Variants in ZFYVE9 observed in about 807,000 individuals in gnomAD.
ZFYVE9 encodes the protein zinc finger FYVE domain-containing protein 9.
A neutral mutation model predicts 126.7 loss-of-function variants in ZFYVE9; 43 were observed. That is an observed-to-expected ratio of 0.34 (90% CI 0.27 to 0.44). The LOEUF (loss-of-function observed/expected upper bound fraction) is 0.44. Among genes scored for constraint, ZFYVE9 ranks in the 20% least tolerant of loss-of-function variants. The pLI, the probability that ZFYVE9 is intolerant of heterozygous loss-of-function variation, is 1.00. For missense variants in ZFYVE9, 1,476 were observed against 1,697.0 expected (o/e 0.87, Z 2.29); for synonymous variants, 521 against 597.4 (o/e 0.87, Z 1.87).
intron 1 of ZFYVE9, among the ~76,000 whole-genome samples, chr1:52,147,231 TAATA>T (rs1360858368): frequency 6.6e-6 from 1 of 152,218 alleles, no homozygotes; most frequent in Admixed American, 6.5e-5. Flanking sequence ...ACAAATTAAT[TAATA>T]CTTATATTTT....
intron 15 of ZFYVE9, among the ~76,000 whole-genome samples, chr1:52,335,821 C>T (rs1646383031): frequency 6.6e-6 from 1 of 152,132 alleles, no homozygotes; most frequent in South Asian, 2.1e-4. Flanking sequence ...TAGCTCACTC[C>T]AAAGCTCTGT....
At chr1:52,331,439 T>G (rs536628837) in intron 13 of ZFYVE9, among the ~76,000 whole-genome samples, 131 of 145,110 alleles carry the variant, frequency 9.0e-4, no homozygotes, top group African/African-American at 2.9e-3. Context: ...CATAGTGAGA[T>G]CCCTGTCTCT....
intron 1 of ZFYVE9, among the ~76,000 whole-genome samples, chr1:52,168,193 C>T (rs1644530228): frequency 6.6e-6 from 1 of 150,772 alleles, no homozygotes; most frequent in South Asian, 2.1e-4. Flanking sequence ...GATTCCTCCT[C>T]CTCTTCCTCC....
intron 4 of ZFYVE9, among the ~76,000 whole-genome samples, chr1:52,254,378 T>TAA (rs35072882): frequency 1.0e-3 from 125 of 120,678 alleles, no homozygotes; most frequent in African/African-American, 2.8e-3. Context: ...TTTACATTAC[T>TAA]AAAAAAAAAA....
At chr1:52,225,008 A>G (rs151087394) in intron 2 of ZFYVE9, among the ~76,000 whole-genome samples, 6 of 152,224 alleles carry the variant, frequency 3.9e-5, no homozygotes, top group East Asian at 3.9e-4. Context: ...AAACTGCCCT[A>G]AGACCTACAA....
intron 2 of ZFYVE9, among the ~76,000 whole-genome samples, chr1:52,223,528 A>G (rs957308850): frequency 4.0e-5 from 6 of 151,686 alleles, no homozygotes; most frequent in African/African-American, 1.5e-4. Flanking sequence ...TATCTTTTGT[A>G]TTTTTTTTGT....
chr1:52,170,856 T>G (rs1644561078), intron 1 of ZFYVE9, among the ~76,000 whole-genome samples: 1 of 152,184 alleles, frequency 6.6e-6, no homozygotes. Context: ...GTTTTAAGGC[T>G]TGTTTTGTGA....
chr1:52,213,003 TATCC>T (rs1473083879), intron 1 of ZFYVE9, among the ~76,000 whole-genome samples: 1 of 152,258 alleles, frequency 6.6e-6, no homozygotes, highest in East Asian at 1.9e-4. Flanking sequence ...GTTGTATACC[TATCC>T]ATCTATCCAT....
chr1:52,206,159 A>T (rs141554306), intron 1 of ZFYVE9, among the ~76,000 whole-genome samples: 1 of 152,234 alleles, frequency 6.6e-6, no homozygotes, highest in African/African-American at 2.4e-5. Flanking sequence ...AAAGGCAGCT[A>T]TTGTAGCTGT....
intron 1 of ZFYVE9, among the ~76,000 whole-genome samples, chr1:52,205,690 A>G (rs1374612731): frequency 6.6e-6 from 1 of 152,116 alleles, no homozygotes; most frequent in Non-Finnish European, 1.5e-5. Flanking sequence ...TCTTTTATGC[A>G]TCTAAGAAGA....
At chr1:52,190,461 A>G (rs1456223479) in intron 1 of ZFYVE9, among the ~76,000 whole-genome samples, 1 of 152,192 alleles carries the variant, frequency 6.6e-6, no homozygotes, top group Non-Finnish European at 1.5e-5. Flanking sequence ...CACAATATGG[A>G]TTAGATTCTC....
chr1:52,169,608 G>A (rs114605435), intron 1 of ZFYVE9, among the ~76,000 whole-genome samples: 92 of 152,140 alleles, frequency 6.0e-4, no homozygotes, highest in African/African-American at 2.1e-3. Flanking sequence ...TCAACAACCT[G>A]GTTAGATAAA....
At chr1:52,159,469 G>A (rs546115783) in intron 1 of ZFYVE9, among the ~76,000 whole-genome samples, 8 of 152,322 alleles carry the variant, frequency 5.3e-5, no homozygotes, top group Non-Finnish European at 8.8e-5. Flanking sequence ...CTCAGAGTGC[G>A]ATGCAGGTCT....
rs548234435 is a variant in ZFYVE9, at chr1:52,230,778, CTT to C, written c.-36-2392_-36-2391del. 6.3e-3 allele frequency among the ~76,000 whole-genome samples: 966 copies of C among 152,250 alleles called. 9 individuals are homozygous for C. Among genetic ancestry groups the C allele is most frequent in the African/African-American group, 0.021 (891 of 41,530 alleles). ...GAAGAATGATGAACTTAAATAACCT[CTT>C]GAACTTCTGTACTAGTTATTCTGTA... is the stretch of plus-strand genomic sequence containing the variant. On this transcript the variant is annotated intron_variant, in intron 2 of 18. Transcript: ENST00000287727.
At chr1:52,180,557 C>T in intron 1 of ZFYVE9, 4 of 653,430 alleles carry the variant, frequency 6.1e-6, no homozygotes, top group Non-Finnish European at 1.1e-5. Flanking sequence ...GTGACTGAGG[C>T]TGCAGCTGCT....
intron 17 of ZFYVE9, among the ~76,000 whole-genome samples, chr1:52,342,423 G>A (rs533132404): frequency 3.9e-4 from 59 of 150,394 alleles, no homozygotes; most frequent in South Asian, 1.5e-3. Context: ...CCGCTACCAC[G>A]CCCGACTAAT....
chr1:52,327,641 A>G (rs763235520), intron 13 of ZFYVE9, among the ~76,000 whole-genome samples: 1 of 151,300 alleles, frequency 6.6e-6, no homozygotes, highest in Non-Finnish European at 1.5e-5. Flanking sequence ...TGGCATTTTC[A>G]GGGGACTACT....
chr1:52,295,574 G>A (rs530602911), intron 11 of ZFYVE9, among the ~76,000 whole-genome samples: 53 of 152,128 alleles, frequency 3.5e-4, no homozygotes, highest in African/African-American at 1.2e-3. Flanking sequence ...GGTTGCACAG[G>A]CTGGTCTCAA....
chr1:52,150,025 A>C (rs1179876412), intron 1 of ZFYVE9: 1 of 152,166 alleles, frequency 6.6e-6, no homozygotes, highest in Non-Finnish European at 1.5e-5. Flanking sequence ...AAAATGAAGA[A>C]AGAGTAAATT....
Sources: allele counts gnomAD v4.1 joint callset (sites outside exome capture counted in the v4.1 genomes callset), GRCh38; gene constraint gnomAD v4.1.1; transcripts MANE v1.5; gene names NCBI Gene and HGNC (gene_info 2026-07-23, HGNC 2026-07-21).